SCN8A: variants seen among roughly 807,000 people sequenced by gnomAD.
SCN8A encodes the protein sodium voltage-gated channel alpha subunit 8.
A neutral mutation model predicts 184.1 loss-of-function variants in SCN8A; 30 were observed. The observed-to-expected ratio is 0.16, with a 90% confidence interval of 0.12 to 0.22. The LOEUF (loss-of-function observed/expected upper bound fraction) is 0.22, where lower values mean the gene tolerates loss of function less well. SCN8A is among the 10% of genes least tolerant of loss of function. The probability of loss-of-function intolerance (pLI) is 1.00; values close to 1 mark genes in which losing one functional copy is unlikely to be tolerated. For missense variants in SCN8A, 1,057 were observed against 2,498.9 expected (o/e 0.42, Z 12.30); for synonymous variants, 852 against 907.0 (o/e 0.94, Z 1.09).
intron 14 of SCN8A, among the ~76,000 whole-genome samples, chr12:51,758,204 C>G (rs954907145): frequency 6.6e-6 from 1 of 152,146 alleles, no homozygotes; most frequent in African/African-American, 2.4e-5. Flanking sequence ...TCCCTATAAT[C>G]CCAGCTACTC....
chr12:51,655,390 T>A (rs182761625), intron 1 of SCN8A, among the ~76,000 whole-genome samples: 1 of 151,788 alleles, frequency 6.6e-6, no homozygotes, highest in Admixed American at 6.6e-5. Context: ...TTTTCTTTTT[T>A]AGAGACAGGT....
intron 12 of SCN8A, among the ~76,000 whole-genome samples, chr12:51,740,469 A>G (rs185393974): frequency 2.0e-5 from 3 of 152,200 alleles, no homozygotes; most frequent in African/African-American, 7.2e-5. Flanking sequence ...AATTCCTCTT[A>G]TTGATTTCTG....
chr12:51,677,501 T>C (rs1351481996), intron 2 of SCN8A, among the ~76,000 whole-genome samples: 1 of 152,108 alleles, frequency 6.6e-6, no homozygotes, highest in Non-Finnish European at 1.5e-5. Flanking sequence ...TGACTGTGTG[T>C]GTTCATTGTT....
chr12:51,807,873 C>T lies in SCN8A; in HGVS notation c.*444C>T. On this transcript the variant is annotated 3_prime_UTR_variant, in exon 27 of 27. Coordinates refer to ENST00000627620, the MANE Select transcript of SCN8A (RefSeq NM_001330260.2). The surrounding 1 kb of genome is among the most constrained non-coding windows in gnomAD (Gnocchi z 4.5). ...GCATTCTTACATTAGTTAAGCTAAG[C>T]AGCAAAAAGAAAACACACACACACA... 1 of 197,342 alleles carries T rather than the reference C, an allele frequency of 5.1e-6. No individual in the cohort carries two copies. Among genetic ancestry groups the T allele is most frequent in the East Asian group, 1.2e-4 (1 of 8,316 alleles). The allele number at this position is 197,342 out of a possible 1,614,324, so 12.2% of individuals were successfully genotyped here. A position where few individuals can be genotyped will look rare whatever the true frequency, so the allele number is the denominator to read the frequency against.
intron 1 of SCN8A, among the ~76,000 whole-genome samples, chr12:51,655,858 T>C (rs1336031228): frequency 2.6e-5 from 4 of 152,218 alleles, no homozygotes; most frequent in Non-Finnish European, 5.9e-5. Context: ...TGCACAATGA[T>C]ATAGTAGTGG....
intron 1 of SCN8A, among the ~76,000 whole-genome samples, chr12:51,641,892 C>A (rs1940462458): frequency 6.6e-6 from 1 of 152,004 alleles, no homozygotes; most frequent in South Asian, 2.1e-4. Context: ...CAACAGAAAC[C>A]ACACACACAC....
At chr12:51,746,702 T>C (rs1335515187) in intron 13 of SCN8A, among the ~76,000 whole-genome samples, 3 of 152,126 alleles carry the variant, frequency 2.0e-5, no homozygotes, top group Non-Finnish European at 4.4e-5. Flanking sequence ...GTGGGTTCTC[T>C]GTGACACAAC....
intron 2 of SCN8A, among the ~76,000 whole-genome samples, chr12:51,673,242 G>T (rs1244447338): frequency 6.6e-6 from 1 of 152,020 alleles, no homozygotes; most frequent in Non-Finnish European, 1.5e-5. Context: ...CATTTACATT[G>T]TATTAAGTAT....
At chr12:51,703,334 G>T (rs559921596) in intron 9 of SCN8A, among the ~76,000 whole-genome samples, 2 of 152,248 alleles carry the variant, frequency 1.3e-5, no homozygotes, top group East Asian at 3.9e-4. Context: ...GGAAAGTTGG[G>T]ATTTCACTCT....
At chr12:51,619,111 A>G (rs1423119037) in intron 1 of SCN8A, among the ~76,000 whole-genome samples, 2 of 152,202 alleles carry the variant, frequency 1.3e-5, no homozygotes, top group Non-Finnish European at 2.9e-5. Context: ...ATAAGTGTGC[A>G]TATATTAACA....
rs1417809777 is a variant in SCN8A, at chr12:51,637,273, A to G, written c.-54-25491A>G. 2.0e-5 allele frequency among the ~76,000 whole-genome samples: 3 copies of G among 152,278 alleles called. No individual in the cohort carries two copies. In the East Asian group the frequency reaches 5.8e-4, roughly 29 times the overall value. On this transcript the variant is annotated intron_variant, in intron 1 of 26. Coordinates refer to ENST00000627620, the MANE Select transcript of SCN8A (RefSeq NM_001330260.2). ...CAACAATATTGAAATTAGGCCAACT[A>G]ATAGCCTTACATGGCCTCTTAGTGT...
chr12:51,807,070 T>C lies in SCN8A; in HGVS notation c.5584T>C (p.Leu1862=). ...TKRVLGDSGE[L]DILRQQMEER... ...GCGGGTCCTGGGAGATAGCGGGGAG[T>C]TGGACATCCTGCGGCAGCAGATGGA... Residue 1862 remains leucine, a synonymous_variant, in exon 27 of 27, where the codon TTG becomes CTG. Coordinates refer to ENST00000627620, the MANE Select transcript of SCN8A (RefSeq NM_001330260.2). The surrounding 1 kb of genome is among the most constrained non-coding windows in gnomAD (Gnocchi z 4.5). 1 of 1,613,626 alleles carries C rather than the reference T, an allele frequency of 6.2e-7. No individual in the cohort carries two copies. Among genetic ancestry groups the C allele is most frequent in the East Asian group, 2.2e-5 (1 of 44,860 alleles).
intron 11 of SCN8A, chr12:51,712,949 A>G: frequency 1.3e-6 from 2 of 1,594,312 alleles, no homozygotes; most frequent in Non-Finnish European, 1.7e-6. Flanking sequence ...AAATTGCCAG[A>G]TCCACCTCCA....
chr12:51,662,025 C>CCTGCAGTG (rs1324721965), intron 1 of SCN8A, among the ~76,000 whole-genome samples: 2 of 152,216 alleles, frequency 1.3e-5, no homozygotes, highest in Non-Finnish European at 2.9e-5. Flanking sequence ...TGCTGCTCTG[C>CCTGCAGTG]CTGCAGTGCT....
Position 51,810,754 on chromosome 12 carries a change from G to A in SCN8A, c.*3325G>A, listed in dbSNP as rs1938867011. On this transcript the variant is annotated 3_prime_UTR_variant, in exon 27 of 27. Coordinates refer to ENST00000627620, the MANE Select transcript of SCN8A (RefSeq NM_001330260.2). The stretch of plus-strand genomic sequence containing the variant: ...CCCCTCTTCTTTCCTTAACCTCCTT[G>A]TTGCTTAGGATGAGGAGACTCTGTA... 3 of 153,080 alleles carry A rather than the reference G, an allele frequency of 2.0e-5. No individual in the cohort carries two copies. The Admixed American group carries it at 2.0e-4, about 10-fold the overall frequency. The allele number at this position is 153,080 out of a possible 1,614,324, so 9.5% of individuals were successfully genotyped here.
chr12:51,792,373 T>G (rs955779876), intron 25 of SCN8A, among the ~76,000 whole-genome samples: 1 of 148,462 alleles, frequency 6.7e-6, no homozygotes, highest in Non-Finnish European at 1.5e-5. Flanking sequence ...TCCCAGCTAC[T>G]GAGAAGGCTG....
In SCN8A at chr12:51,761,246, T is replaced by A. The variant is rs555232895; in HGVS notation, c.2371-1257T>A. On this transcript the variant is annotated intron_variant, in intron 14 of 26. Coordinates refer to ENST00000627620, the MANE Select transcript of SCN8A (RefSeq NM_001330260.2). ...GCAGGATATGGAAGTCATCGGGAAG[T>A]GCAGGCACTCTGTCAGCAGAAAAAT... is the stretch of plus-strand genomic sequence containing the variant. Among the ~76,000 whole-genome samples, 11 of 152,188 alleles carry A rather than the reference T, an allele frequency of 7.2e-5. No homozygotes were observed. The South Asian group carries it at 2.3e-3, about 32-fold the overall frequency.
intron 1 of SCN8A, among the ~76,000 whole-genome samples, chr12:51,654,816 A>G (rs1940788385): frequency 6.6e-6 from 1 of 152,120 alleles, no homozygotes; most frequent in Admixed American, 6.5e-5. Flanking sequence ...CCAGCCTGAG[A>G]CAAGACCTTA....
At chr12:51,801,360 G>A (rs1161756410) in intron 26 of SCN8A, among the ~76,000 whole-genome samples, 1 of 152,184 alleles carries the variant, frequency 6.6e-6, no homozygotes, top group Non-Finnish European at 1.5e-5. Flanking sequence ...CTTCAAGGAT[G>A]CAGGTGCTCC....
Sources: allele counts gnomAD v4.1 joint callset (sites outside exome capture counted in the v4.1 genomes callset), GRCh38; gene constraint gnomAD v4.1.1; non-coding constraint Gnocchi (gnomAD v3.1); transcripts MANE v1.5; gene names NCBI Gene and HGNC (gene_info 2026-07-23, HGNC 2026-07-21).